Variants in FBXL17 observed in about 807,000 individuals in gnomAD.
FBXL17 encodes the protein F-box and leucine rich repeat protein 17.
FBXL17 carries 22 observed loss-of-function variants against 66.2 expected under a neutral mutation model. That is an observed-to-expected ratio of 0.33 (90% confidence interval 0.24 to 0.47). The LOEUF is 0.47. FBXL17 is among the 20% of genes least tolerant of loss of function. The pLI, the probability that FBXL17 is intolerant of heterozygous loss-of-function variation, is 1.00. For missense variants in FBXL17, 878 were observed against 948.2 expected (o/e 0.93, Z 0.97); for synonymous variants, 474 against 400.5 (o/e 1.18, Z -2.19).
intron 6 of FBXL17, among the ~76,000 whole-genome samples, chr5:108,072,193 C>T (rs10479423): frequency 0.29 from 43,989 of 151,974 alleles, 7,532 homozygotes; most frequent in Admixed American, 0.4. Context: ...TGAGATTCCA[C>T]GTGTCTATCT....
intron 5 of FBXL17, among the ~76,000 whole-genome samples, chr5:108,215,644 C>CT (rs1754567301): frequency 1.3e-5 from 2 of 152,200 alleles, no homozygotes; most frequent in South Asian, 4.2e-4. Flanking sequence ...AATATTTTTT[C>CT]TTATTCTGTC....
At chr5:108,214,847 G>A (rs77382894) in intron 5 of FBXL17, among the ~76,000 whole-genome samples, 3,229 of 152,234 alleles carry the variant, frequency 0.021, 297 homozygotes, top group Admixed American at 0.16. Context: ...AGTACATTGA[G>A]TGACGTGTGC....
intron 6 of FBXL17, among the ~76,000 whole-genome samples, chr5:108,164,182 T>C (rs1752325273): frequency 6.6e-6 from 1 of 152,134 alleles, no homozygotes; most frequent in African/African-American, 2.4e-5. Context: ...CAACAGGAAA[T>C]AGGATAAGCA....
At chr5:108,099,762 C>A (rs1453398439) in intron 6 of FBXL17, among the ~76,000 whole-genome samples, 4 of 152,174 alleles carry the variant, frequency 2.6e-5, no homozygotes, top group Non-Finnish European at 5.9e-5. Flanking sequence ...TTATCAAGTG[C>A]CTTTACCTCA....
At chr5:108,264,169 C>G (rs1756950302) in intron 4 of FBXL17, among the ~76,000 whole-genome samples, 1 of 138,022 alleles carries the variant, frequency 7.2e-6, no homozygotes, top group Non-Finnish European at 1.5e-5. Context: ...GAGCTTAGAT[C>G]ACGCCACAGC....
chr5:108,123,620 A>G (rs1432903388), intron 6 of FBXL17, among the ~76,000 whole-genome samples: 3 of 152,190 alleles, frequency 2.0e-5, no homozygotes, highest in African/African-American at 7.2e-5. Context: ...AGCAATCTGA[A>G]TGAAAGCAAA....
chr5:108,030,902 G>T (rs532333774), intron 6 of FBXL17, among the ~76,000 whole-genome samples: 1 of 152,082 alleles, frequency 6.6e-6, no homozygotes, highest in Non-Finnish European at 1.5e-5. Flanking sequence ...TCCTGGTAAT[G>T]ACAGAATTTT....
intron 8 of FBXL17, among the ~76,000 whole-genome samples, chr5:107,862,448 A>G (rs1748151433): frequency 6.6e-6 from 1 of 152,162 alleles, no homozygotes; most frequent in Non-Finnish European, 1.5e-5. Flanking sequence ...CATCAAAGAT[A>G]CCACCTTGAT....
intron 7 of FBXL17, among the ~76,000 whole-genome samples, chr5:107,995,114 T>C (rs568730900): frequency 2.0e-5 from 3 of 152,252 alleles, no homozygotes; most frequent in South Asian, 4.2e-4. Context: ...GTGTGCAATT[T>C]TCTCTATATT....
intron 6 of FBXL17, among the ~76,000 whole-genome samples, chr5:108,160,015 C>CA (rs33962727): frequency 0.58 from 83,036 of 142,554 alleles, 22,889 homozygotes; most frequent in African/African-American, 0.65. Context: ...ATATCCCTGT[C>CA]AAAAAAAATT....
At chr5:107,990,283 C>CTAAT (rs1753191421) in intron 7 of FBXL17, among the ~76,000 whole-genome samples, 1 of 152,134 alleles carries the variant, frequency 6.6e-6, no homozygotes, top group Non-Finnish European at 1.5e-5. Context: ...AACAGGGTTA[C>CTAAT]TAATTATAAG....
chr5:108,191,486 T>C (rs1261988235), intron 5 of FBXL17, among the ~76,000 whole-genome samples: 1 of 152,164 alleles, frequency 6.6e-6, no homozygotes, highest in African/African-American at 2.4e-5. Context: ...ATAAAAATTG[T>C]GTAGAGAAGA....
intron 7 of FBXL17, among the ~76,000 whole-genome samples, chr5:107,901,496 A>C (rs1749566114): frequency 6.6e-6 from 1 of 152,224 alleles, no homozygotes; most frequent in Non-Finnish European, 1.5e-5. Context: ...GAACTACTGA[A>C]GAGATCGTTA....
At chr5:107,913,490 C>A (rs1750019178) in intron 7 of FBXL17, among the ~76,000 whole-genome samples, 1 of 152,102 alleles carries the variant, frequency 6.6e-6, no homozygotes, top group Non-Finnish European at 1.5e-5. Flanking sequence ...CAGTGATGAT[C>A]ATGACAATGA....
intron 7 of FBXL17, among the ~76,000 whole-genome samples, chr5:107,980,213 T>G (rs1055389317): frequency 1.2e-4 from 18 of 152,098 alleles, no homozygotes; most frequent in Non-Finnish European, 2.5e-4. Flanking sequence ...GCAAGGCACC[T>G]AGAATGGTGA....
chr5:107,944,351 A>C (rs2112594786), intron 7 of FBXL17, among the ~76,000 whole-genome samples: 1 of 152,294 alleles, frequency 6.6e-6, no homozygotes, highest in East Asian at 1.9e-4. Context: ...ATTTCAAAAT[A>C]GTTTGAGAAA....
intron 4 of FBXL17, among the ~76,000 whole-genome samples, chr5:108,268,278 G>GGT (rs1359154807): frequency 6.6e-6 from 1 of 151,702 alleles, no homozygotes; most frequent in Non-Finnish European, 1.5e-5. Context: ...TAGGGATGTG[G>GGT]GTGTGTGTGT....
chr5:108,286,375 T>A lies in FBXL17; in HGVS notation c.1506+62024A>T, dbSNP rs149247480. Among the ~76,000 whole-genome samples the A allele has an allele frequency of 1.7e-4, 26 of 152,058 alleles. No homozygotes were observed. The East Asian group carries it at 4.6e-3, about 27-fold the overall frequency. The stretch of plus-strand genomic sequence containing the variant: ...CTATCCCTGTTGCAGACTATATAAT[T>A]CTATATCTAGAAAACCCTGTAGCAT... On this transcript the variant is annotated intron_variant, in intron 4 of 8. Coordinates refer to ENST00000542267, the MANE Select transcript of FBXL17 (RefSeq NM_001163315.3).
intron 7 of FBXL17, among the ~76,000 whole-genome samples, chr5:107,898,640 G>C (rs1018040635): frequency 3.9e-5 from 6 of 151,978 alleles, no homozygotes; most frequent in Admixed American, 6.6e-5. Context: ...CTCGCAACAG[G>C]CCCCGGTGTG....
Sources: gnomAD v4.1 joint callset for allele counts (sites outside exome capture counted in the v4.1 genomes callset) on GRCh38, gnomAD v4.1.1 for gene constraint, MANE v1.5 for transcripts, NCBI Gene and HGNC (gene_info 2026-07-23, HGNC 2026-07-21) for gene names.